The following POLG2 variants were observed in gnomAD, a reference collection of about 807,000 sequenced individuals.
POLG2 encodes DNA polymerase gamma 2, accessory subunit, also known as DNA polymerase subunit gamma-2.
A neutral mutation model predicts 56.5 loss-of-function variants in POLG2; 50 were observed. The ratio of observed to expected loss-of-function variants is 0.88; its 90% CI spans 0.71 to 1.12. The LOEUF (loss-of-function observed/expected upper bound fraction) is 1.12, where lower values mean the gene tolerates loss of function less well. Ranked by LOEUF, POLG2 falls within the 50% of genes most tolerant of loss-of-function variation. The probability of loss-of-function intolerance (pLI) is 0.00; values close to 1 mark genes in which losing one functional copy is unlikely to be tolerated. For synonymous variants in POLG2, 226 were observed against 222.6 expected (o/e 1.02, Z -0.14); for missense variants, 584 against 583.3 (o/e 1.00, Z -0.01).
chr17:64,491,651 C>CT, intron 3 of POLG2: 1 of 1,410,308 alleles, frequency 7.1e-7, no homozygotes, highest in Non-Finnish European at 1.0e-6. Flanking sequence ...GAGGTTACTA[C>CT]TGGTACTACA....
At chr17:64,491,455 A>T in intron 3 of POLG2, 1 of 935,220 alleles carries the variant, frequency 1.1e-6, no homozygotes, top group East Asian at 2.5e-5. Context: ...AGTTGCAGTG[A>T]GCTGTGATTG....
chr17:64,478,715 G>A (rs1458659106), intron 7 of POLG2, among the ~76,000 whole-genome samples: 2 of 152,132 alleles, frequency 1.3e-5, no homozygotes, highest in African/African-American at 4.8e-5. Flanking sequence ...GGCCAACATA[G>A]TGAAACCCCA....
At position 64,493,161 on chromosome 17, in the gene POLG2, T is replaced by C. The variant is rs555429912; in HGVS notation, c.563-140A>G. ...GGCTAAGCTTGGTGGCTCACGCCTA[T>C]AATCCCAGCACTTTGGGAGGTCGAG... On this transcript the variant is annotated intron_variant, in intron 1 of 7. Transcript: ENST00000539111. 8 of 925,752 alleles carry C rather than the reference T, an allele frequency of 8.6e-6. No homozygotes were observed. The South Asian group carries it at 9.5e-5, about 11-fold the overall frequency. 57.3% of individuals were successfully genotyped at this position (925,752 alleles called of 1,614,324 possible).
Position 64,490,943 on chromosome 17 carries a change from G to A in POLG2, c.822C>T (p.Ser274=), listed in dbSNP as rs1555668370. Residue 274 remains serine, a synonymous_variant, in exon 4 of 8, where the codon AGC becomes AGT. Transcript: ENST00000539111. ...RKFAMSPSNF[S]SSDCQDEEGR... Reference sequence around the variant, plus strand: ...CTTCTTCATCCTGACAGTCACTGCTGCTGAAGTTAGATGGACTCATGGCAA... The same window carrying A: ...CTTCTTCATCCTGACAGTCACTGCTACTGAAGTTAGATGGACTCATGGCAA... 4.3e-6 allele frequency: 7 copies of A among 1,613,816 alleles called. No homozygotes were observed. The highest frequency in any genetic ancestry group is 5.9e-6 in the Non-Finnish European group (7 of 1,179,740).
Position 64,490,777 on chromosome 17 carries a change from A to C in POLG2, c.969+19T>G, listed in dbSNP as rs782758715. 1.9e-6 allele frequency: 3 copies of C among 1,593,216 alleles called. No individual in the cohort carries two copies. The highest frequency in any genetic ancestry group is 1.3e-5 in the African/African-American group (1 of 74,558). ...AGAATCTGGGTAAAAAATACATAGG[A>C]GCTCCAGGTAAAACATACATGTAAT... On this transcript the variant is annotated intron_variant, in intron 4 of 7. Coordinates refer to ENST00000539111, the MANE Select transcript of POLG2 (RefSeq NM_007215.4).
chr17:64,491,175 T>G (rs2038052284), intron 3 of POLG2, among the ~76,000 whole-genome samples: 1 of 152,272 alleles, frequency 6.6e-6, no homozygotes, highest in East Asian at 1.9e-4. Context: ...CAGGTTAGAG[T>G]GCAGTGGCTA....
In POLG2 at chr17:64,496,473, G is replaced by C. The variant is rs370683331; in HGVS notation, c.496C>G (p.Gln166Glu). ...ILQDKELSKE[Q>E]LVAFLENVLK... ...ACGTTCTCAAGAAATGCTACTAGCT[G>C]TTCCTTACTCAGCTCTTTGTCTTGC... The change falls in exon 1 of 8, where the codon CAG becomes GAG. Residue 166 changes from glutamine (Q) to glutamate (E), a missense_variant. Transcript: ENST00000539111. The C allele has an allele frequency of 1.2e-4, 185 of 1,608,454 alleles. 1 individual carries two copies. Among genetic ancestry groups the C allele is most frequent in the Middle Eastern group, 4.9e-4 (3 of 6,070 alleles).
chr17:64,482,469 G>A (rs2037878481), intron 6 of POLG2, among the ~76,000 whole-genome samples: 1 of 151,748 alleles, frequency 6.6e-6, no homozygotes, highest in African/African-American at 2.4e-5. Flanking sequence ...CTACAGGTGC[G>A]TGCCACCACG....
intron 5 of POLG2, 21 bp from the exon 6 acceptor site, chr17:64,483,020 AG>A: frequency 7.7e-7 from 1 of 1,304,950 alleles, no homozygotes; most frequent in Non-Finnish European, 1.1e-6. Context: ...TAAATGGGGG[AG>A]GGAGAAGACA....
In POLG2 at chr17:64,480,380, CT is replaced by C; in HGVS notation, c.1200del (p.Leu402TyrfsTer6). 6.6e-7 allele frequency: 1 copy of C among 1,524,890 alleles called. No homozygotes were observed. The highest frequency in any genetic ancestry group is 9.1e-7 in the Non-Finnish European group (1 of 1,101,288). 94.5% of individuals were successfully genotyped at this position (1,524,890 alleles called of 1,614,324 possible). Reference sequence around the variant, plus strand: ...TTTTCTAGTAACTCATTAAATAGCCCTTGACAAACCTAGAAAGAAATAGAAA... The same window carrying C: ...TTTTCTAGTAACTCATTAAATAGCCCTGACAAACCTAGAAAGAAATAGAAA... Reference protein sequence around the residue: ...GPTLELRQVCQGLFNELLENG... With the variant: ...GPTLELRQVCXGLFNELLENG... On this transcript the variant is annotated frameshift_variant, in exon 7 of 8. Coordinates refer to ENST00000539111, the MANE Select transcript of POLG2 (RefSeq NM_007215.4). LOFTEE classifies it high-confidence loss of function.
At chr17:64,491,037 C>G (rs2038049421) in intron 3 of POLG2, 68 bp from the exon 4 acceptor site, 1 of 1,177,364 alleles carries the variant, frequency 8.5e-7, no homozygotes, top group Non-Finnish European at 1.3e-6. Flanking sequence ...CCATAATTAT[C>G]TGTAAGAATT....
chr17:64,488,476 G>A (rs373101706), intron 4 of POLG2, among the ~76,000 whole-genome samples: 1 of 152,052 alleles, frequency 6.6e-6, no homozygotes, highest in Non-Finnish European at 1.5e-5. Context: ...GCAGAGGCAG[G>A]AGAACAGCTT....
intron 3 of POLG2, chr17:64,491,623 T>C (rs555563309): frequency 2.6e-6 from 4 of 1,518,546 alleles, no homozygotes; most frequent in Admixed American, 1.7e-5. Context: ...CCTAGTGGCC[T>C]TGATGGAGCG....
rs1555665773 is a variant in POLG2 at position 64,477,798 on chromosome 17, A to G, written c.*25T>C. On this transcript the variant is annotated 3_prime_UTR_variant, in exon 8 of 8. Transcript: ENST00000539111. ...AAGACAACCAAATTAGGAGAGAAGA[A>G]TATTTATTATACAAATATAAAAATC... is the stretch of plus-strand genomic sequence containing the variant. 1 of 1,540,954 alleles carries G rather than the reference A, an allele frequency of 6.5e-7. No homozygotes were observed. The highest frequency in any genetic ancestry group is 1.9e-5 in the Admixed American group (1 of 51,342).
intron 4 of POLG2, chr17:64,487,033 T>C (rs782427321): frequency 6.6e-6 from 1 of 152,120 alleles, no homozygotes; most frequent in Non-Finnish European, 1.5e-5. Flanking sequence ...TGGATATTCA[T>C]GTAATTTTTA....
rs969072131 is a variant in POLG2, at chr17:64,496,930, G to A, written c.39C>T (p.Val13=). 4 of 1,611,178 alleles carry A rather than the reference G, an allele frequency of 2.5e-6. No homozygotes were observed. The highest frequency in any genetic ancestry group is 3.3e-5 in the Admixed American group (2 of 60,004). Residue 13 remains valine (V), a synonymous_variant, in exon 1 of 8, where the codon GTC becomes GTT. Transcript: ENST00000539111. ...CAAACCCAGACAACAGGCACCTGCA[G>A]ACCTTATGGCAGGCCCTGACGGCTA... The part of the protein sequence containing the change: ...SRVAVRACHK[V]CRCLLSGFGG...
chr17:64,484,233 T>C (rs2037914042), intron 5 of POLG2: 1 of 152,202 alleles, frequency 6.6e-6, no homozygotes, highest in Non-Finnish European at 1.5e-5. Flanking sequence ...TCAGCAACTT[T>C]AAGGTGGTCA....
At position 64,496,552 on chromosome 17, in the gene POLG2, T is replaced by G; in HGVS notation, c.417A>C (p.Leu139=). The part of the protein sequence containing the change: ...DALHHKPGPL[L]PGDSAFRLVS... ...CTAACCTGAAGGCACTGTCCCCGGG[T>G]AGCAAAGGGCCTGGTTTGTGGTGGA... The change falls in exon 1 of 8, where the codon CTA becomes CTC. Residue 139 remains leucine, a synonymous_variant. Coordinates refer to ENST00000539111, the MANE Select transcript of POLG2 (RefSeq NM_007215.4). 1 of 1,613,108 alleles carries G rather than the reference T, an allele frequency of 6.2e-7. No homozygotes were observed. Among genetic ancestry groups the G allele is most frequent in the South Asian group, 1.1e-5 (1 of 91,034 alleles).
chr17:64,486,035 G>A (rs1197265335), intron 4 of POLG2, among the ~76,000 whole-genome samples, 167 bp from the exon 5 acceptor site: 1 of 152,122 alleles, frequency 6.6e-6, no homozygotes, highest in Admixed American at 6.5e-5. Context: ...TCCTGCCTCA[G>A]CCTCCTGAGT....
Sources: allele counts gnomAD v4.1 joint callset (sites outside exome capture counted in the v4.1 genomes callset), GRCh38; gene constraint gnomAD v4.1.1; transcripts MANE v1.5; gene names NCBI Gene and HGNC (gene_info 2026-07-23, HGNC 2026-07-21).